Variants in WDR7 observed in about 807,000 individuals in gnomAD.
WDR7 encodes WD repeat domain 7.
WDR7 carries 46 observed loss-of-function variants against 169.4 expected under a neutral mutation model. That is an observed-to-expected ratio of 0.27 (90% confidence interval 0.21 to 0.35). The LOEUF (loss-of-function observed/expected upper bound fraction) is 0.35. Among genes scored for constraint, WDR7 ranks in the 10% least tolerant of loss-of-function variants. WDR7 has a pLI of 1.00. For missense variants in WDR7, 1,534 were observed against 1,859.3 expected (o/e 0.83, Z 3.22); for synonymous variants, 612 against 666.8 (o/e 0.92, Z 1.27).
At chr18:56,894,819 A>G (rs2046308967) in intron 21 of WDR7, among the ~76,000 whole-genome samples, 1 of 152,194 alleles carries the variant, frequency 6.6e-6, no homozygotes, top group Admixed American at 6.6e-5. Flanking sequence ...TAGTTTGCTA[A>G]TCTTTTTGAA....
intron 25 of WDR7, among the ~76,000 whole-genome samples, chr18:56,943,229 C>A (rs1349620612): frequency 1.3e-5 from 2 of 152,148 alleles, no homozygotes; most frequent in Non-Finnish European, 2.9e-5. Flanking sequence ...ACTTTTGAGT[C>A]TTCTATGTAC....
chr18:56,849,732 A>T (rs2045615174), intron 20 of WDR7, among the ~76,000 whole-genome samples: 1 of 152,142 alleles, frequency 6.6e-6, no homozygotes, highest in Admixed American at 6.5e-5. Context: ...TCTGCTTAAA[A>T]CTTTCCAATA....
In WDR7 at chr18:56,756,954, A is replaced by G. The variant is rs1457454489; in HGVS notation, c.2361A>G (p.Pro787=). The change falls in exon 15 of 28, where the codon CCA becomes CCG. Residue 787 remains proline, a synonymous_variant. Transcript: ENST00000254442. ...DPEYRSSKSK[P]LTLLEYNLTM... is the part of the protein sequence containing the mutation. ...AATATCGGTCCAGCAAATCAAAGCC[A>G]TTGACCCTATTAGAATATAATTTAA... 3.5e-5 allele frequency: 56 copies of G among 1,614,028 alleles called. No homozygotes were observed. The highest frequency in any genetic ancestry group is 4.4e-5 in the Non-Finnish European group (52 of 1,180,040).
intron 26 of WDR7, among the ~76,000 whole-genome samples, chr18:57,006,264 AT>A (rs1344717673): frequency 2.0e-5 from 3 of 152,162 alleles, no homozygotes; most frequent in Non-Finnish European, 4.4e-5. Context: ...AACAGAGAGC[AT>A]CACAGGATTC....
At chr18:56,906,325 A>T (rs2046475972) in intron 21 of WDR7, among the ~76,000 whole-genome samples, 1 of 152,158 alleles carries the variant, frequency 6.6e-6, no homozygotes, top group Non-Finnish European at 1.5e-5. Flanking sequence ...AGATTAAGCG[A>T]TTTAGGAGAC....
At position 56,924,014 on chromosome 18, in the gene WDR7, C is replaced by T. The variant is rs752990825; in HGVS notation, c.3619C>T (p.Arg1207Cys). The change falls in exon 22 of 28, where the codon CGT becomes TGT. Residue 1207 changes from arginine to cysteine, a missense_variant. By Grantham distance (180) the Arg-to-Cys change is radical. Coordinates refer to ENST00000254442, the MANE Select transcript of WDR7 (RefSeq NM_015285.3). ...AAGAACAGCCATTGATCTGATTGGA[C>T]GTGGGTTCACTGTTTGGGAGCCTTA... ...IRRTAIDLIG[R>C]GFTVWEPYMD... 5.6e-6 allele frequency: 9 copies of T among 1,612,578 alleles called. No homozygotes were observed. The highest frequency in any genetic ancestry group is 2.2e-5 in the East Asian group (1 of 44,820).
In WDR7 at chr18:56,742,960, G is replaced by A. The variant is rs576614478; in HGVS notation, c.1989+11363G>A. On this transcript the variant is annotated intron_variant, in intron 14 of 27. Transcript: ENST00000254442. ...TCAAACTTTAAAAAAAATTAGCTTC[G>A]TAACCCTACTCTCAAAAGGAATTAT... Among the ~76,000 whole-genome samples, 9 of 152,138 alleles carry A rather than the reference G, an allele frequency of 5.9e-5. No homozygotes were observed. In the South Asian group the frequency reaches 1.7e-3, roughly 28 times the overall value.
At chr18:56,784,946 A>T (rs2044374559) in intron 19 of WDR7, among the ~76,000 whole-genome samples, 1 of 151,850 alleles carries the variant, frequency 6.6e-6, no homozygotes, top group South Asian at 2.1e-4. Context: ...ACAAACATGC[A>T]TTCTACATGT....
chr18:56,968,268 A>C (rs960987630), intron 26 of WDR7, among the ~76,000 whole-genome samples: 2 of 152,220 alleles, frequency 1.3e-5, no homozygotes, highest in African/African-American at 4.8e-5. Context: ...TATATAGTAG[A>C]TGCACAATGC....
chr18:56,805,218 T>C (rs1394909717), intron 19 of WDR7, among the ~76,000 whole-genome samples: 1 of 152,096 alleles, frequency 6.6e-6, no homozygotes, highest in African/African-American at 2.4e-5. Context: ...CTGTTACCCA[T>C]CCACACCTCC....
chr18:56,904,549 T>G (rs1255092961), intron 21 of WDR7, among the ~76,000 whole-genome samples: 2 of 152,210 alleles, frequency 1.3e-5, no homozygotes, highest in Non-Finnish European at 2.9e-5. Flanking sequence ...CATGATTTTT[T>G]ATGTGACATT....
chr18:56,863,712 A>C (rs2045841752), intron 20 of WDR7, among the ~76,000 whole-genome samples: 1 of 151,756 alleles, frequency 6.6e-6, no homozygotes. Context: ...TGTTATCTGC[A>C]TATTATACAA....
chr18:56,673,156 T>TGG (rs2025171185), intron 2 of WDR7, among the ~76,000 whole-genome samples: 4 of 71,048 alleles, frequency 5.6e-5, no homozygotes, highest in Middle Eastern at 6.6e-3. Context: ...AAATAGGAGC[T>TGG]GGGGACACAC....
intron 26 of WDR7, among the ~76,000 whole-genome samples, chr18:57,005,111 G>A (rs892791123): frequency 2.6e-5 from 4 of 152,068 alleles, no homozygotes; most frequent in Non-Finnish European, 5.9e-5. Flanking sequence ...GCATCTTAAT[G>A]TACAATGCTG....
At chr18:56,694,391 G>A (rs1188918277) in intron 9 of WDR7, among the ~76,000 whole-genome samples, 2 of 152,134 alleles carry the variant, frequency 1.3e-5, no homozygotes, top group Non-Finnish European at 2.9e-5. Context: ...TGTAAATACA[G>A]TTTTTGTTTC....
rs142413693 is a variant in WDR7 at position 56,858,269 on chromosome 18, A to G, written c.3305-21675A>G. Among the ~76,000 whole-genome samples, 401 of 152,076 alleles carry G rather than the reference A, an allele frequency of 2.6e-3. 12 individuals carry two copies. In the East Asian group the frequency reaches 0.07, roughly 26 times the overall value. On this transcript the variant is annotated intron_variant, in intron 20 of 27. Coordinates refer to ENST00000254442, the MANE Select transcript of WDR7 (RefSeq NM_015285.3). ...TCCTGTGTAATAGCTCCTCTTTTCC[A>G]TGTTCACTGCCACTACCCTTTTAGT...
At chr18:56,680,850 A>T (rs1446822668) in intron 3 of WDR7, among the ~76,000 whole-genome samples, 1 of 152,182 alleles carries the variant, frequency 6.6e-6, no homozygotes, top group Non-Finnish European at 1.5e-5. Flanking sequence ...ATAAAATCTC[A>T]GTAGTTTAAA....
chr18:56,900,493 A>G (rs1450881767), intron 21 of WDR7, among the ~76,000 whole-genome samples: 1 of 152,128 alleles, frequency 6.6e-6, no homozygotes, highest in Non-Finnish European at 1.5e-5. Context: ...AACTACTAAA[A>G]GAGGTAAAAA....
chr18:56,753,474 C>G (rs780946106), intron 14 of WDR7: 2 of 152,092 alleles, frequency 1.3e-5, no homozygotes, highest in Non-Finnish European at 2.9e-5. Context: ...TCTAGAACAA[C>G]AAATTATATA....
Sources: allele counts gnomAD v4.1 joint callset (sites outside exome capture counted in the v4.1 genomes callset), GRCh38; gene constraint gnomAD v4.1.1; transcripts MANE v1.5; gene names NCBI Gene and HGNC (gene_info 2026-07-23, HGNC 2026-07-21).